PBRM1: variants seen among roughly 807,000 people sequenced by gnomAD.
The protein encoded by PBRM1 is polybromo 1.
A neutral mutation model predicts 194.5 loss-of-function variants in PBRM1; 27 were observed. The observed-to-expected ratio is 0.14, with a 90% confidence interval of 0.10 to 0.19. The LOEUF (loss-of-function observed/expected upper bound fraction) is 0.19, where lower values mean the gene tolerates loss of function less well. Among genes scored for constraint, PBRM1 ranks in the 10% least tolerant of loss-of-function variants. The pLI, the probability that PBRM1 is intolerant of heterozygous loss-of-function variation, is 1.00. For synonymous variants in PBRM1, 655 were observed against 693.2 expected (o/e 0.94, Z 0.87); for missense variants, 1,466 against 2,077.2 (o/e 0.71, Z 5.72).
At chr3:52,655,019 T>C (rs1158180182) in intron 5 of PBRM1, among the ~76,000 whole-genome samples, 2 of 152,148 alleles carry the variant, frequency 1.3e-5, no homozygotes, top group Non-Finnish European at 2.9e-5. Flanking sequence ...GCTCTGGGAT[T>C]ACAGGTGTGG....
chr3:52,672,721 T>C (rs985794815), intron 2 of PBRM1, among the ~76,000 whole-genome samples: 2 of 152,054 alleles, frequency 1.3e-5, no homozygotes, highest in African/African-American at 4.8e-5. Context: ...CTCGAACTCC[T>C]GCACTCAGGT....
At chr3:52,614,940 T>G (rs1051790746) in intron 15 of PBRM1, among the ~76,000 whole-genome samples, 3 of 152,144 alleles carry the variant, frequency 2.0e-5, no homozygotes, top group African/African-American at 7.2e-5. Flanking sequence ...TATAGTACAG[T>G]GGCTGGACAT....
chr3:52,592,262 G>C (rs886639118), intron 17 of PBRM1, among the ~76,000 whole-genome samples: 1 of 151,570 alleles, frequency 6.6e-6, no homozygotes, highest in Non-Finnish European at 1.5e-5. Flanking sequence ...CTCTCGAATA[G>C]CTAGGACTAC....
intron 4 of PBRM1, among the ~76,000 whole-genome samples, chr3:52,658,656 T>C (rs1051525039): frequency 2.6e-5 from 4 of 152,096 alleles, no homozygotes; most frequent in Non-Finnish European, 5.9e-5. Flanking sequence ...CCTCTCAAAG[T>C]GCTGGGATTA....
At chr3:52,577,425 T>C (rs948455264) in intron 21 of PBRM1, among the ~76,000 whole-genome samples, 163 of 85,454 alleles carry the variant, frequency 1.9e-3, no homozygotes, top group Non-Finnish European at 2.8e-3. Flanking sequence ...AACCAGACAA[T>C]GTCTCAAAAA....
At chr3:52,586,670 G>A (rs2153776957) in exon 20 of PBRM1, 1 of 1,598,644 alleles carries the variant, frequency 6.3e-7, no homozygotes, top group Non-Finnish European at 8.5e-7. Context: ...AAGTTTTCTG[G>A]GCATAACTTA....
At chr3:52,583,545 C>T (rs2091813229) in intron 20 of PBRM1, among the ~76,000 whole-genome samples, 2 of 152,008 alleles carry the variant, frequency 1.3e-5, no homozygotes, top group African/African-American at 4.8e-5. Context: ...TTAACTAATA[C>T]ATGTTTTTTG....
At chr3:52,628,861 T>C (rs779618090) in intron 12 of PBRM1, 33 bp downstream of exon 13, 1 of 1,601,336 alleles carries the variant, frequency 6.2e-7, no homozygotes, top group Non-Finnish European at 8.6e-7. Flanking sequence ...TAATCATATA[T>C]ACAACAAACT....
At chr3:52,548,009 G>T in exon 30 of PBRM1, 1 of 1,471,104 alleles carries the variant, frequency 6.8e-7, no homozygotes, top group Non-Finnish European at 9.3e-7. Context: ...AACTAAAATG[G>T]CTACTGATCC....
intron 20 of PBRM1, among the ~76,000 whole-genome samples, chr3:52,579,812 C>CAA (rs1399040987): frequency 6.6e-6 from 1 of 152,072 alleles, no homozygotes; most frequent in Non-Finnish European, 1.5e-5. Context: ...TAGAAACAAA[C>CAA]AAAAAAACTG....
chr3:52,648,843 G>A (rs1405422668), intron 6 of PBRM1, among the ~76,000 whole-genome samples: 1 of 152,158 alleles, frequency 6.6e-6, no homozygotes, highest in Non-Finnish European at 1.5e-5. Context: ...TGAACCACTT[G>A]GGGTAAAATA....
chr3:52,603,498 C>G (rs539886956), intron 17 of PBRM1, 23 bp downstream of exon 19: 1 of 1,576,690 alleles, frequency 6.3e-7, no homozygotes, highest in East Asian at 2.2e-5. Flanking sequence ...TTTTCATATT[C>G]AATAAAATGA....
intron 7 of PBRM1, 53 bp downstream of exon 8, chr3:52,648,291 A>T: frequency 3.0e-6 from 3 of 1,000,374 alleles, no homozygotes; most frequent in Non-Finnish European, 4.7e-6. Flanking sequence ...ACTGACCTTA[A>T]ATTATCTACT....
downstream of PBRM1, chr3:52,547,904 C>A: frequency 1.9e-6 from 1 of 536,978 alleles, no homozygotes; most frequent in Non-Finnish European, 3.2e-6. Context: ...ATTGAAATAG[C>A]TTATTAAAAG....
chr3:52,557,991 G>A (rs1219539169), intron 26 of PBRM1, among the ~76,000 whole-genome samples: 2 of 152,152 alleles, frequency 1.3e-5, no homozygotes, highest in African/African-American at 4.8e-5. Context: ...CTGGGGTGGA[G>A]AACATCACCA....
At chr3:52,667,182 G>A (rs1000748031) in intron 3 of PBRM1, among the ~76,000 whole-genome samples, 1 of 152,064 alleles carries the variant, frequency 6.6e-6, no homozygotes, top group African/African-American at 2.4e-5. Context: ...AGGCTTATAT[G>A]AAAGACAAAA....
chr3:52,613,286 T>C (rs868165972), intron 15 of PBRM1, among the ~76,000 whole-genome samples: 23 of 151,778 alleles, frequency 1.5e-4, no homozygotes, highest in Admixed American at 3.3e-4. Flanking sequence ...TTGCCACGAT[T>C]TTGACAAATG....
intron 10 of PBRM1, among the ~76,000 whole-genome samples, chr3:52,637,682 C>T (rs559603023): frequency 6.7e-6 from 1 of 148,332 alleles, no homozygotes; most frequent in Admixed American, 6.9e-5. Flanking sequence ...AATCCTAGCA[C>T]TTTGGGAGGC....
intron 20 of PBRM1, among the ~76,000 whole-genome samples, chr3:52,581,232 G>A (rs545071982): frequency 3.9e-5 from 6 of 152,312 alleles, no homozygotes; most frequent in South Asian, 4.1e-4. Context: ...AGGGAAGGCC[G>A]GGAGTGGTGG....
Sources: gnomAD v4.1 joint callset for allele counts (sites outside exome capture counted in the v4.1 genomes callset) on GRCh38, gnomAD v4.1.1 for gene constraint, MANE v1.5 for transcripts, NCBI Gene and HGNC (gene_info 2026-07-23, HGNC 2026-07-21) for gene names.